CLIP1: variants seen among roughly 807,000 people sequenced by gnomAD.
CLIP1 encodes CAP-Gly domain containing linker protein 1, also known as CAP-Gly domain-containing linker protein 1.
In CLIP1, 66 loss-of-function variants were observed where a neutral mutation model predicts 161.6. The observed-to-expected ratio is 0.41, with a 90% confidence interval of 0.33 to 0.50. The LOEUF is 0.50. CLIP1 is among the 20% of genes least tolerant of loss of function. The pLI is 0.27. For missense variants in CLIP1, 1,376 were observed against 1,702.0 expected (o/e 0.81, Z 3.37); for synonymous variants, 598 against 626.2 (o/e 0.96, Z 0.67).
intron 3 of CLIP1, chr12:122,365,458 T>G (rs568551575): frequency 1.4e-5 from 11 of 783,688 alleles, no homozygotes; most frequent in Admixed American, 1.0e-4. Flanking sequence ...AGAGCCAAGA[T>G]AGCTTCCTGA....
In CLIP1 at chr12:122,272,738, C is replaced by T; in HGVS notation, c.*137G>A. On this transcript the variant is annotated 3_prime_UTR_variant, in exon 26 of 26. Coordinates refer to ENST00000620786, the MANE Select transcript of CLIP1 (RefSeq NM_001247997.2). ...GACTAAAGGGCAATTTGTTGAAGAT[C>T]AAAATATTTTCCTAGATTTGTTGAC... is the stretch of plus-strand genomic sequence containing the variant. 2 of 724,984 alleles carry T rather than the reference C, an allele frequency of 2.8e-6. No homozygotes were observed. The highest frequency in any genetic ancestry group is 3.6e-5 in the South Asian group (2 of 55,176). The allele number at this position is 724,984 out of a possible 1,614,324, so 44.9% of individuals were successfully genotyped here. A position where few individuals can be genotyped will look rare whatever the true frequency, so the allele number is the denominator to read the frequency against.
chr12:122,343,681 G>A (rs964229622), intron 10 of CLIP1: 55 of 152,196 alleles, frequency 3.6e-4, no homozygotes, highest in Admixed American at 2.7e-3. Flanking sequence ...TTGAGCTCCG[G>A]GATAGTACCC....
At chr12:122,349,119 C>A (rs1952894712) in intron 9 of CLIP1, among the ~76,000 whole-genome samples, 1 of 152,174 alleles carries the variant, frequency 6.6e-6, no homozygotes, top group Non-Finnish European at 1.5e-5. Context: ...GGACACTGTT[C>A]AATTTCCCTG....
At chr12:122,393,351 G>A (rs532813521) in intron 1 of CLIP1, among the ~76,000 whole-genome samples, 4 of 150,386 alleles carry the variant, frequency 2.7e-5, no homozygotes, top group Non-Finnish European at 4.4e-5. Flanking sequence ...TAGTAGAGAC[G>A]AGGTTTCACC....
At chr12:122,364,690 C>G (rs1364493090) in intron 3 of CLIP1, 1 of 482,344 alleles carries the variant, frequency 2.1e-6, no homozygotes, top group Non-Finnish European at 4.1e-6. Context: ...CAGGCGTGAG[C>G]CACCACTCTT....
At chr12:122,385,186 C>T (rs189442085) in intron 1 of CLIP1, among the ~76,000 whole-genome samples, 1 of 152,114 alleles carries the variant, frequency 6.6e-6, no homozygotes, top group Non-Finnish European at 1.5e-5. Flanking sequence ...TAGCCTTGGC[C>T]TCCTAAAGTG....
At chr12:122,274,280 C>G in intron 24 of CLIP1, 118 bp from the exon 25 acceptor site, 2 of 766,000 alleles carry the variant, frequency 2.6e-6, no homozygotes, top group East Asian at 2.8e-5. Context: ...AAGGGGCCAA[C>G]AGCGGCTATT....
rs555150541 is a variant in CLIP1 at position 122,351,490 on chromosome 12, G to A, written c.1369-347C>T. The stretch of plus-strand genomic sequence containing the variant: ...AATTGTTAATGAACCATTAAATTCT[G>A]GGCCCCATAAAACTAGAACCCAGAA... On this transcript the variant is annotated intron_variant, in intron 8 of 25. Coordinates refer to ENST00000620786, the MANE Select transcript of CLIP1 (RefSeq NM_001247997.2). Among the ~76,000 whole-genome samples the A allele has an allele frequency of 2.6e-4, 40 of 152,288 alleles. 1 individual carries two copies. The highest frequency in any genetic ancestry group is 9.6e-4 in the African/African-American group (40 of 41,552).
intron 1 of CLIP1, among the ~76,000 whole-genome samples, chr12:122,411,364 C>T (rs1250250708): frequency 1.3e-5 from 2 of 152,108 alleles, no homozygotes; most frequent in African/African-American, 2.4e-5. Context: ...TGCAATGAGC[C>T]GAGATCACGC....
intron 10 of CLIP1, chr12:122,344,102 C>T (rs1952634927): frequency 6.6e-6 from 1 of 152,206 alleles, no homozygotes; most frequent in South Asian, 2.1e-4. Context: ...CTCTCCCACA[C>T]TGCCTTTCTT....
At chr12:122,290,648 T>C (rs554034698) in intron 20 of CLIP1, among the ~76,000 whole-genome samples, 4 of 152,154 alleles carry the variant, frequency 2.6e-5, no homozygotes, top group African/African-American at 7.2e-5. Context: ...TAGTGAATAT[T>C]TGAAAAATCA....
At chr12:122,296,736 T>C (rs965903701) in intron 20 of CLIP1, among the ~76,000 whole-genome samples, 3 of 151,894 alleles carry the variant, frequency 2.0e-5, no homozygotes, top group African/African-American at 4.8e-5. Flanking sequence ...CGGTGGCTCA[T>C]GCCTGTGGTC....
intron 3 of CLIP1, among the ~76,000 whole-genome samples, chr12:122,375,315 C>CTT (rs58301377): frequency 2.8e-4 from 40 of 142,840 alleles, no homozygotes; most frequent in South Asian, 1.1e-3. Context: ...CCCTGAAATT[C>CTT]TTTTTTTTTT....
chr12:122,385,011 C>T (rs906680816), intron 1 of CLIP1, among the ~76,000 whole-genome samples: 13 of 149,932 alleles, frequency 8.7e-5, no homozygotes, highest in African/African-American at 2.2e-4. Flanking sequence ...CAGCTCTCTG[C>T]GACCTCTGCC....
chr12:122,332,295 CAAAA>C (rs1184288063), intron 15 of CLIP1, among the ~76,000 whole-genome samples: 1 of 61,310 alleles, frequency 1.6e-5, no homozygotes. Flanking sequence ...AACTCCGTCT[CAAAA>C]AAAAAAAAAA....
At chr12:122,278,305 C>A in intron 23 of CLIP1, 102 bp from the exon 24 acceptor site, 1 of 1,104,436 alleles carries the variant, frequency 9.1e-7, no homozygotes. Flanking sequence ...GTTCAAAACT[C>A]ATTTTCCTGT....
At chr12:122,352,855 A>T in intron 7 of CLIP1, 69 bp from the exon 8 acceptor site, 1 of 1,378,458 alleles carries the variant, frequency 7.3e-7, no homozygotes, top group Non-Finnish European at 1.0e-6. Context: ...AAAACAAAAC[A>T]AACAAACAAA....
At chr12:122,394,446 GCCACTGCACT>G (rs1360455769) in intron 1 of CLIP1, among the ~76,000 whole-genome samples, 5 of 117,868 alleles carry the variant, frequency 4.2e-5, no homozygotes, top group Admixed American at 2.4e-4. Flanking sequence ...CCAAGATTTC[GCCACTGCACT>G]CCAGCCTGGG....
At position 122,355,551 on chromosome 12, in the gene CLIP1, G is replaced by A; in HGVS notation, c.1006-239C>T. On this transcript the variant is annotated intron_variant, in intron 5 of 25. Transcript: ENST00000620786. This position sits in a 1 kb window ranked among gnomAD's most constrained non-coding sequence, Gnocchi z 4.1. ...CAGCCAGGTGCGGTGGCTCATGCCTGTAATCCTAGCACTTCAGGAGGCCAA... is the reference window on the plus strand; with the variant it reads ...CAGCCAGGTGCGGTGGCTCATGCCTATAATCCTAGCACTTCAGGAGGCCAA... The A allele has an allele frequency of 4.2e-6, 2 of 476,066 alleles. No homozygotes were observed. The highest frequency in any genetic ancestry group is 3.8e-6 in the Non-Finnish European group (1 of 262,222). The allele number at this position is 476,066 out of a possible 1,614,324, so 29.5% of individuals were successfully genotyped here.
Sources: gnomAD v4.1 joint callset for allele counts (sites outside exome capture counted in the v4.1 genomes callset) on GRCh38, gnomAD v4.1.1 for gene constraint, Gnocchi (gnomAD v3.1) non-coding constraint, MANE v1.5 for transcripts, NCBI Gene and HGNC (gene_info 2026-07-23, HGNC 2026-07-21) for gene names.